CARMIL1: variants seen among roughly 807,000 people sequenced by gnomAD.
CARMIL1 encodes the protein capping protein regulator and myosin 1 linker 1, also known as F-actin-uncapping protein LRRC16A.
A neutral mutation model predicts 177.1 loss-of-function variants in CARMIL1; 90 were observed. That is an observed-to-expected ratio of 0.51 (90% CI 0.43 to 0.61). The LOEUF (loss-of-function observed/expected upper bound fraction) is 0.61, where lower values mean the gene tolerates loss of function less well. Ranked by LOEUF, CARMIL1 falls within the 20% of genes least tolerant of loss-of-function variation. The pLI, the probability that CARMIL1 is intolerant of heterozygous loss-of-function variation, is 0.00. For synonymous variants in CARMIL1, 577 were observed against 606.2 expected, an observed-to-expected ratio of 0.95 and a Z score of 0.71; for missense variants, 1,380 against 1,667.0, an observed-to-expected ratio of 0.83 and a Z score of 3.00.
intron 5 of CARMIL1, among the ~76,000 whole-genome samples, chr6:25,446,830 G>C (rs1798281668): frequency 6.6e-6 from 1 of 152,142 alleles, no homozygotes. Flanking sequence ...GCCATTGCAG[G>C]GTTATTAATT....
intron 15 of CARMIL1, among the ~76,000 whole-genome samples, chr6:25,494,461 A>G (rs943330567): frequency 6.6e-6 from 1 of 152,140 alleles, no homozygotes; most frequent in Non-Finnish European, 1.5e-5. Flanking sequence ...CTTATTATTG[A>G]GCTGTATGAT....
rs780508617 is a variant in CARMIL1, at chr6:25,600,365, TGAAAA to T, written c.3177_3181del (p.Lys1060AlafsTer7). The T allele has an allele frequency of 1.2e-6, 2 of 1,613,738 alleles. No homozygotes were observed. Among genetic ancestry groups the T allele is most frequent in the Non-Finnish European group, 1.7e-6 (2 of 1,179,816 alleles). ...CCCATGAGCTTAATGAAGGAGGAGA[TGAAAA>T]GAAAAAGCGAGATTCTCGGAAAAGT... On this transcript the variant is annotated frameshift_variant, in exon 33 of 37. Transcript: ENST00000329474. LOFTEE classifies it high-confidence loss of function.
rs554146937 is a variant in CARMIL1, at chr6:25,571,719, G to C, written c.2743-9205G>C. ...TGTGCCAATCACTGTGATTCAGTCAGTAGTTCACAGCATCCCGTATGTGGT... is the reference window on the plus strand; with the variant it reads ...TGTGCCAATCACTGTGATTCAGTCACTAGTTCACAGCATCCCGTATGTGGT... On this transcript the variant is annotated intron_variant, in intron 29 of 36. Transcript: ENST00000329474. 1.6e-4 allele frequency among the ~76,000 whole-genome samples: 24 copies of C among 152,338 alleles called. No homozygotes were observed. The South Asian group carries it at 3.3e-3, about 21-fold the overall frequency.
At chr6:25,416,531 A>G (rs1795372008) in intron 2 of CARMIL1, among the ~76,000 whole-genome samples, 1 of 152,242 alleles carries the variant, frequency 6.6e-6, no homozygotes, top group East Asian at 1.9e-4. Context: ...AGTGTACTCA[A>G]CAGGTACTGG....
intron 2 of CARMIL1, among the ~76,000 whole-genome samples, chr6:25,347,745 C>T (rs577768868): frequency 6.6e-5 from 10 of 152,314 alleles, no homozygotes; most frequent in Admixed American, 3.9e-4. Context: ...GAGAAATCAA[C>T]AGTAATACAA....
intron 29 of CARMIL1, chr6:25,576,918 G>A (rs1812639218): frequency 2.4e-6 from 2 of 838,112 alleles, no homozygotes; most frequent in Non-Finnish European, 2.9e-6. Context: ...TCCTAGTAAT[G>A]CTGTTGCTTT....
intron 16 of CARMIL1, among the ~76,000 whole-genome samples, chr6:25,497,800 A>G (rs1410176109): frequency 2.0e-5 from 3 of 152,178 alleles, no homozygotes; most frequent in Admixed American, 6.5e-5. Flanking sequence ...TTAATTTGAG[A>G]TTCTTTTACA....
chr6:25,404,700 G>A (rs893287443), intron 2 of CARMIL1, among the ~76,000 whole-genome samples: 1 of 151,458 alleles, frequency 6.6e-6, no homozygotes, highest in Non-Finnish European at 1.5e-5. Context: ...AGGTTGCAGC[G>A]AGCCGAGATC....
chr6:25,573,132 A>G (rs1342230376), intron 29 of CARMIL1, among the ~76,000 whole-genome samples: 1 of 152,122 alleles, frequency 6.6e-6, no homozygotes, highest in Non-Finnish European at 1.5e-5. Flanking sequence ...TGTCTTCCCC[A>G]GGGATGACCA....
chr6:25,586,896 T>G (rs1186934182), intron 31 of CARMIL1, among the ~76,000 whole-genome samples: 1 of 151,738 alleles, frequency 6.6e-6, no homozygotes, highest in African/African-American at 2.4e-5. Flanking sequence ...TGAGCCGAGA[T>G]GGCAGCAGTA....
chr6:25,586,962 G>A (rs1032295356), intron 31 of CARMIL1, among the ~76,000 whole-genome samples: 1 of 148,906 alleles, frequency 6.7e-6, no homozygotes, highest in African/African-American at 2.5e-5. Flanking sequence ...GGAAGAGGGA[G>A]AGAGACCGTG....
rs751000765 is a variant in CARMIL1 at position 25,349,414 on chromosome 6, G to A, written c.138+64505G>A. ...AACCAAATGAAATGACATTATTCACGGACCTGCTGTATAGGTTTAAGGCAG... is the reference window on the plus strand; with the variant it reads ...AACCAAATGAAATGACATTATTCACAGACCTGCTGTATAGGTTTAAGGCAG... On this transcript the variant is annotated intron_variant, in intron 2 of 36. Transcript: ENST00000329474. Among the ~76,000 whole-genome samples, 119 of 152,140 alleles carry A rather than the reference G, an allele frequency of 7.8e-4. 1 individual carries two copies. Among genetic ancestry groups the A allele is most frequent in the Non-Finnish European group, 2.4e-4 (16 of 68,026 alleles).
At chr6:25,438,781 T>C (rs1297156792) in intron 5 of CARMIL1, among the ~76,000 whole-genome samples, 2 of 152,008 alleles carry the variant, frequency 1.3e-5, no homozygotes, top group East Asian at 3.9e-4. Flanking sequence ...TGGGATTTAG[T>C]AGTATTTTCC....
intron 32 of CARMIL1, among the ~76,000 whole-genome samples, chr6:25,597,461 T>G (rs547148843): frequency 1.3e-5 from 2 of 152,372 alleles, no homozygotes; most frequent in Non-Finnish European, 2.9e-5. Flanking sequence ...TTTGTTTTCC[T>G]TGGTGTTAAT....
intron 2 of CARMIL1, among the ~76,000 whole-genome samples, chr6:25,317,130 T>G (rs1428160098): frequency 6.6e-6 from 1 of 152,072 alleles, no homozygotes. Flanking sequence ...GTTAGGGTGT[T>G]TTTTTCCTAA....
intron 26 of CARMIL1, among the ~76,000 whole-genome samples, chr6:25,548,461 T>C (rs1374027410): frequency 3.9e-5 from 6 of 152,154 alleles, no homozygotes; most frequent in African/African-American, 1.4e-4. Flanking sequence ...TTTCCTAGGC[T>C]TTATTGTGTA....
chr6:25,382,998 G>A (rs546951208), intron 2 of CARMIL1, among the ~76,000 whole-genome samples: 2 of 152,254 alleles, frequency 1.3e-5, no homozygotes, highest in South Asian at 2.1e-4. Flanking sequence ...AGGGCAGTCT[G>A]TGAAAGAGAG....
chr6:25,370,720 C>T (rs532493960), intron 2 of CARMIL1, among the ~76,000 whole-genome samples: 1 of 152,144 alleles, frequency 6.6e-6, no homozygotes, highest in African/African-American at 2.4e-5. Context: ...TAGGTTGAAC[C>T]AGGAGTTTCA....
chr6:25,281,118 ACGCGCGTGTGCGCG>A (rs745605524), intron 1 of CARMIL1, among the ~76,000 whole-genome samples: 1 of 80,598 alleles, frequency 1.2e-5, no homozygotes, highest in East Asian at 5.3e-4. Context: ...TCACAGACGC[ACGCGCGTGTGCGCG>A]CGCGCACACA....
Sources: gnomAD v4.1 joint callset for allele counts (sites outside exome capture counted in the v4.1 genomes callset) on GRCh38, gnomAD v4.1.1 for gene constraint, MANE v1.5 for transcripts, NCBI Gene and HGNC (gene_info 2026-07-23, HGNC 2026-07-21) for gene names.